Variants in IRAK2 observed in about 807,000 individuals in gnomAD.
The protein encoded by IRAK2 is interleukin 1 receptor associated kinase 2, also known as interleukin-1 receptor-associated kinase-like 2.
IRAK2 carries 57 observed loss-of-function variants against 72.0 expected under a neutral mutation model. The ratio of observed to expected loss-of-function variants is 0.79; its 90% CI spans 0.64 to 0.99. IRAK2 has a LOEUF of 0.99. Ranked by LOEUF, IRAK2 falls within the 50% of genes least tolerant of loss-of-function variation. The pLI, the probability that IRAK2 is intolerant of heterozygous loss-of-function variation, is 0.00. For synonymous variants in IRAK2, 293 were observed against 312.7 expected (o/e 0.94, Z 0.67); for missense variants, 790 against 794.4 (o/e 0.99, Z 0.07).
chr3:10,213,003 C>G (rs540082818), intron 4 of IRAK2, among the ~76,000 whole-genome samples: 1 of 151,912 alleles, frequency 6.6e-6, no homozygotes, highest in Non-Finnish European at 1.5e-5. Flanking sequence ...CTCCTGACCT[C>G]GTGATCCGCC....
intron 12 of IRAK2, 73 bp from the exon 13 acceptor site, chr3:10,242,043 A>C (rs1698068594): frequency 2.3e-6 from 2 of 852,012 alleles, no homozygotes; most frequent in East Asian, 5.1e-5. Flanking sequence ...AACCTGATTT[A>C]AGTGACTTTA....
chr3:10,192,873 C>T (rs765185846), intron 2 of IRAK2, among the ~76,000 whole-genome samples: 9 of 152,244 alleles, frequency 5.9e-5, no homozygotes, highest in Middle Eastern at 3.4e-3. Context: ...GAGCAGAGAT[C>T]GTGCCACTGT....
In IRAK2 at chr3:10,196,348, C is replaced by T. The variant is rs188661796; in HGVS notation, c.278-4021C>T. On this transcript the variant is annotated intron_variant, in intron 2 of 12. Transcript: ENST00000256458. Reference sequence around the variant, plus strand: ...CAGGCTGGTCCAGAACTCCTGACCACAGGTGATCTGCCCTCCTTGGCCTCC... The same window carrying T: ...CAGGCTGGTCCAGAACTCCTGACCATAGGTGATCTGCCCTCCTTGGCCTCC... Among the ~76,000 whole-genome samples, 8 of 152,372 alleles carry T rather than the reference C, an allele frequency of 5.3e-5. No individual in the cohort carries two copies. In the East Asian group the frequency reaches 1.5e-3, roughly 29 times the overall value.
intron 1 of IRAK2, among the ~76,000 whole-genome samples, chr3:10,169,826 A>G (rs1696767496): frequency 6.6e-6 from 1 of 152,266 alleles, no homozygotes; most frequent in Non-Finnish European, 1.5e-5. Flanking sequence ...AGACAGGCAT[A>G]GGAAATTATA....
At chr3:10,175,450 A>G (rs1235462803) in intron 1 of IRAK2, among the ~76,000 whole-genome samples, 1 of 152,116 alleles carries the variant, frequency 6.6e-6, no homozygotes, top group African/African-American at 2.4e-5. Context: ...GTTAATAAAT[A>G]AGACCAGGAT....
intron 3 of IRAK2, among the ~76,000 whole-genome samples, chr3:10,205,990 G>C (rs873405): frequency 0.69 from 105,357 of 151,944 alleles, 37,767 homozygotes; most frequent in Non-Finnish European, 0.77. Context: ...CTGGCCAGCA[G>C]AGGCCTCCAT....
intron 1 of IRAK2, among the ~76,000 whole-genome samples, chr3:10,165,800 G>T (rs1189796096): frequency 6.8e-6 from 1 of 146,584 alleles, no homozygotes; most frequent in Admixed American, 7.0e-5. Context: ...GCGCGATCTA[G>T]GCTCGTTGCA....
At position 10,209,651 on chromosome 3, in the gene IRAK2, C is replaced by G. The variant is rs1207888923; in HGVS notation, c.487C>G (p.His163Asp). The G allele has an allele frequency of 6.4e-7, 1 of 1,570,566 alleles. No homozygotes were observed. The highest frequency in any genetic ancestry group is 8.6e-7 in the Non-Finnish European group (1 of 1,160,680). The change falls in exon 4 of 13, where the codon CAT (histidine) becomes GAT (aspartate). Residue 163 changes from histidine to aspartate, a missense_variant. His to Asp is a moderately conservative substitution (Grantham distance 81, BLOSUM62 -1). Transcript: ENST00000256458. ...FLQPPEEDAPHSLRSDLPTSS... is the reference protein window; with the variant it reads ...FLQPPEEDAPDSLRSDLPTSS... Reference sequence around the variant, plus strand: ...CCAGCCTCCTGAAGAAGATGCCCCTCATTCCTTGAGAAGCGACCTCCCCAC... The same window carrying G: ...CCAGCCTCCTGAAGAAGATGCCCCTGATTCCTTGAGAAGCGACCTCCCCAC...
At chr3:10,178,708 C>T (rs1696916670) in intron 2 of IRAK2, among the ~76,000 whole-genome samples, 1 of 152,224 alleles carries the variant, frequency 6.6e-6, no homozygotes, top group Non-Finnish European at 1.5e-5. Flanking sequence ...CCCCACTTTA[C>T]ATCCCAAGAA....
chr3:10,222,032 C>T (rs73123822), intron 8 of IRAK2, among the ~76,000 whole-genome samples: 3,310 of 152,102 alleles, frequency 0.022, 122 homozygotes, highest in African/African-American at 0.077. Context: ...GGACTACAGG[C>T]GCACACCACC....
chr3:10,195,988 C>T (rs1697257409), intron 2 of IRAK2, among the ~76,000 whole-genome samples: 1 of 152,148 alleles, frequency 6.6e-6, no homozygotes, highest in Non-Finnish European at 1.5e-5. Flanking sequence ...GGTAGCCTTC[C>T]AAGGGAGCAC....
intron 2 of IRAK2, among the ~76,000 whole-genome samples, chr3:10,195,513 C>A (rs1559444340): frequency 6.6e-6 from 1 of 151,490 alleles, no homozygotes; most frequent in Middle Eastern, 3.4e-3. Flanking sequence ...GATCACACCA[C>A]TGCATAGCCT....
intron 12 of IRAK2, 33 bp downstream of exon 12, chr3:10,239,072 CAT>C (rs768530983): frequency 3.3e-4 from 500 of 1,519,524 alleles, no homozygotes; most frequent in Middle Eastern, 2.3e-3. Flanking sequence ...TTTGGATGCT[CAT>C]GTGTGTGTCC....
intron 3 of IRAK2, among the ~76,000 whole-genome samples, chr3:10,206,425 A>G (rs1342473334): frequency 6.6e-6 from 1 of 152,240 alleles, no homozygotes; most frequent in Non-Finnish European, 1.5e-5. Context: ...CAAAGATCCC[A>G]GGAATGAGGC....
rs1451847928 is a variant in IRAK2 at position 10,241,994 on chromosome 3, A to AG, written c.1766-122_1766-121insG. The AG allele has an allele frequency of 7.9e-6, 4 of 508,870 alleles. No homozygotes were observed. In the South Asian group the frequency reaches 8.2e-5, roughly 10 times the overall value. The allele number at this position is 508,870 out of a possible 1,614,324, so 31.5% of individuals were successfully genotyped here. ...TCTCGATAAAAAAAAAAGAAAAAAA[A>AG]AAAAAGAAATGCTCATTACACTCAG... On this transcript the variant is annotated intron_variant, in intron 12 of 12. Transcript: ENST00000256458.
intron 3 of IRAK2, 119 bp downstream of exon 3, chr3:10,200,634 C>T (rs1449860215): frequency 2.4e-6 from 2 of 826,228 alleles, no homozygotes; most frequent in South Asian, 2.5e-5. Context: ...CATGGTGGCC[C>T]ATGCCTATAA....
At chr3:10,231,860 C>G (rs949164423) in intron 10 of IRAK2, among the ~76,000 whole-genome samples, 2 of 152,152 alleles carry the variant, frequency 1.3e-5, no homozygotes, top group African/African-American at 4.8e-5. Flanking sequence ...GGCACGGTGG[C>G]TCAAGCCTGT....
At chr3:10,213,128 T>C in intron 4 of IRAK2, 79 bp from the exon 5 acceptor site, 9 of 1,197,846 alleles carry the variant, frequency 7.5e-6, no homozygotes, top group African/African-American at 1.5e-5. Flanking sequence ...CCTCCATCTC[T>C]GGTGTTCCAA....
intron 11 of IRAK2, among the ~76,000 whole-genome samples, chr3:10,235,066 AGTT>A (rs1259383474): frequency 6.6e-6 from 1 of 152,172 alleles, no homozygotes; most frequent in Non-Finnish European, 1.5e-5. Flanking sequence ...AACTTGGGTC[AGTT>A]GTTTACCGCT....
Sources: gnomAD v4.1 joint callset for allele counts (sites outside exome capture counted in the v4.1 genomes callset) on GRCh38, gnomAD v4.1.1 for gene constraint, MANE v1.5 for transcripts, NCBI Gene and HGNC (gene_info 2026-07-23, HGNC 2026-07-21) for gene names.